KCNAB1: variants seen among roughly 807,000 people sequenced by gnomAD.
KCNAB1 encodes potassium voltage-gated channel subfamily A regulatory beta subunit 1.
Under a neutral mutation model 64.6 loss-of-function variants are expected in KCNAB1, and 35 were observed. The ratio of observed to expected loss-of-function variants is 0.54; its 90% confidence interval spans 0.41 to 0.72. KCNAB1 has a LOEUF of 0.72. Ranked by LOEUF, KCNAB1 falls within the 30% of genes least tolerant of loss-of-function variation. The pLI, the probability that KCNAB1 is intolerant of heterozygous loss-of-function variation, is 0.00. For missense variants in KCNAB1, 401 were observed against 512.9 expected, an observed-to-expected ratio of 0.78 and a Z score of 2.11; for synonymous variants, 177 against 183.8, an observed-to-expected ratio of 0.96 and a Z score of 0.30.
At chr3:156,356,120 A>T (rs762700842) in intron 1 of KCNAB1, among the ~76,000 whole-genome samples, 15,075 of 139,498 alleles carry the variant, frequency 0.11, 2,027 homozygotes, top group African/African-American at 0.35. Context: ...GGACCCTGTA[A>T]AAAAAAAAAA....
intron 1 of KCNAB1, among the ~76,000 whole-genome samples, chr3:156,363,991 G>A (rs1725787267): frequency 6.6e-6 from 1 of 152,220 alleles, no homozygotes; most frequent in South Asian, 2.1e-4. Flanking sequence ...TTGTGCTTAT[G>A]TACTTGATAA....
intron 1 of KCNAB1, among the ~76,000 whole-genome samples, chr3:156,209,368 T>A (rs572493790): frequency 6.6e-6 from 1 of 152,338 alleles, no homozygotes; most frequent in South Asian, 2.1e-4. Flanking sequence ...TTCAAAATAA[T>A]GGAGAATGCT....
intron 1 of KCNAB1, among the ~76,000 whole-genome samples, chr3:156,324,543 T>C (rs181480540): frequency 1.4e-3 from 216 of 152,284 alleles, no homozygotes; most frequent in African/African-American, 4.6e-3. Flanking sequence ...GAGCACCTAC[T>C]TTGTGCCAAG....
At chr3:156,185,059 G>T (rs892872592) in intron 1 of KCNAB1, among the ~76,000 whole-genome samples, 3 of 152,204 alleles carry the variant, frequency 2.0e-5, no homozygotes, top group Non-Finnish European at 4.4e-5. Context: ...CACACAGAAA[G>T]AAAGTGGTGG....
chr3:156,402,621 T>C (rs1294942421), intron 1 of KCNAB1, among the ~76,000 whole-genome samples: 2 of 152,226 alleles, frequency 1.3e-5, no homozygotes, highest in African/African-American at 4.8e-5. Flanking sequence ...AAGATTGGGA[T>C]GCTGGGATTT....
chr3:156,193,647 G>C (rs547012565), intron 1 of KCNAB1, among the ~76,000 whole-genome samples: 1 of 152,140 alleles, frequency 6.6e-6, no homozygotes, highest in African/African-American at 2.4e-5. Flanking sequence ...GAAGGGAGAA[G>C]AGCCCCTTAT....
chr3:156,499,228 G>A (rs1344964865), intron 8 of KCNAB1, among the ~76,000 whole-genome samples: 1 of 152,298 alleles, frequency 6.6e-6, no homozygotes, highest in South Asian at 2.1e-4. Flanking sequence ...AATCATGAGG[G>A]ATCCATCTTG....
In KCNAB1 at chr3:156,176,902, G is replaced by A. The variant is rs1577675146; in HGVS notation, c.275+56016G>A. ...AACTCTGGGCCTGTACGCTTCTGCT[G>A]TTCTATCATGGCGGCAACCGGATGA... On this transcript the variant is annotated intron_variant, in intron 1 of 13. Coordinates refer to ENST00000490337, the MANE Select transcript of KCNAB1 (RefSeq NM_172160.3). The A allele has an allele frequency of 7.3e-6, 8 of 1,094,402 alleles. No homozygotes were observed. In the Middle Eastern group the frequency reaches 1.5e-3, roughly 209 times the overall value. 67.8% of individuals were successfully genotyped at this position (1,094,402 alleles called of 1,614,324 possible).
At chr3:156,145,150 A>T (rs1441566684) in intron 1 of KCNAB1, among the ~76,000 whole-genome samples, 1 of 152,174 alleles carries the variant, frequency 6.6e-6, no homozygotes, top group African/African-American at 2.4e-5. Context: ...ACTGCCTTGG[A>T]CAAGGGTGTA....
At chr3:156,237,735 A>G (rs1466784133) in intron 1 of KCNAB1, among the ~76,000 whole-genome samples, 1 of 152,172 alleles carries the variant, frequency 6.6e-6, no homozygotes, top group African/African-American at 2.4e-5. Context: ...CACATCCTCA[A>G]GGAGGCCTTT....
At position 156,342,874 on chromosome 3, in the gene KCNAB1, G is replaced by A. The variant is rs1724237927; in HGVS notation, c.276-78742G>A. On this transcript the variant is annotated intron_variant, in intron 1 of 13. Coordinates refer to ENST00000490337, the MANE Select transcript of KCNAB1 (RefSeq NM_172160.3). ...TTCAAGATGTTCTCACCCCGCTGAG[G>A]TGCACAAGAATTCTTCCTGAGCACA... Among the ~76,000 whole-genome samples, 10 of 152,152 alleles carry A rather than the reference G, an allele frequency of 6.6e-5. No individual in the cohort carries two copies. The South Asian group carries it at 1.7e-3, about 25-fold the overall frequency.
chr3:156,393,276 G>A (rs1202296623), intron 1 of KCNAB1, among the ~76,000 whole-genome samples: 3 of 152,118 alleles, frequency 2.0e-5, no homozygotes, highest in Non-Finnish European at 4.4e-5. Flanking sequence ...TTTGTAAGGA[G>A]GCATTACTTG....
At chr3:156,144,298 A>G (rs1714913266) in intron 1 of KCNAB1, among the ~76,000 whole-genome samples, 1 of 152,196 alleles carries the variant, frequency 6.6e-6, no homozygotes, top group African/African-American at 2.4e-5. Flanking sequence ...TTCATGTACA[A>G]GATGTCCCCA....
rs561968325 is a variant in KCNAB1 at position 156,354,413 on chromosome 3, G to A, written c.276-67203G>A. Reference sequence around the variant, plus strand: ...CGATCTCAAGTGATCTGCCTGCCTCGGCCTCCCAAAGTGCTGGGATTACAG... The same window carrying A: ...CGATCTCAAGTGATCTGCCTGCCTCAGCCTCCCAAAGTGCTGGGATTACAG... On this transcript the variant is annotated intron_variant, in intron 1 of 13. Transcript: ENST00000490337. 2.2e-4 allele frequency among the ~76,000 whole-genome samples: 33 copies of A among 151,510 alleles called. No individual in the cohort carries two copies. The South Asian group carries it at 5.4e-3, about 25-fold the overall frequency.
At chr3:156,230,856 C>T (rs911768494) in intron 1 of KCNAB1, among the ~76,000 whole-genome samples, 4 of 152,174 alleles carry the variant, frequency 2.6e-5, no homozygotes, top group African/African-American at 9.7e-5. Context: ...GGTTTATTTA[C>T]TTTTACAAAA....
intron 2 of KCNAB1, among the ~76,000 whole-genome samples, chr3:156,437,268 G>A (rs1295906188): frequency 6.6e-6 from 1 of 152,052 alleles, no homozygotes; most frequent in African/African-American, 2.4e-5. Flanking sequence ...TCTGCTAAGA[G>A]AAGGGAACTG....
At chr3:156,165,109 G>A (rs935587939) in intron 1 of KCNAB1, among the ~76,000 whole-genome samples, 2 of 151,228 alleles carry the variant, frequency 1.3e-5, no homozygotes, top group South Asian at 2.1e-4. Flanking sequence ...AAACCCCGTC[G>A]CTACTAAAAA....
At chr3:156,299,142 G>T (rs1320929090) in intron 1 of KCNAB1, among the ~76,000 whole-genome samples, 1 of 152,264 alleles carries the variant, frequency 6.6e-6, no homozygotes, top group Non-Finnish European at 1.5e-5. Flanking sequence ...CAAGGGCAGA[G>T]TTCCTTATGC....
At chr3:156,146,707 T>C (rs1354361026) in intron 1 of KCNAB1, among the ~76,000 whole-genome samples, 1 of 152,190 alleles carries the variant, frequency 6.6e-6, no homozygotes. Context: ...TGCAAATGAG[T>C]GGGCACAGCC....
Sources: gnomAD v4.1 joint callset for allele counts (sites outside exome capture counted in the v4.1 genomes callset) on GRCh38, gnomAD v4.1.1 for gene constraint, MANE v1.5 for transcripts, NCBI Gene and HGNC (gene_info 2026-07-23, HGNC 2026-07-21) for gene names.